Variants in MRC1 observed in about 807,000 individuals in gnomAD.
MRC1 encodes mannose receptor C-type 1.
In MRC1, 62 loss-of-function variants were observed where a neutral mutation model predicts 102.9. That is an observed-to-expected ratio of 0.60 (90% CI 0.49 to 0.74). The LOEUF is 0.74. Ranked by LOEUF, MRC1 falls within the 30% of genes least tolerant of loss-of-function variation. MRC1 has a pLI of 0.00. For synonymous variants in MRC1, 457 were observed against 298.4 expected, an observed-to-expected ratio of 1.53 and a Z score of -5.48; for missense variants, 1,237 against 862.8, an observed-to-expected ratio of 1.43 and a Z score of -5.43.
chr10:17,887,729 C>T (rs1589192316), intron 22 of MRC1, among the ~76,000 whole-genome samples: 2 of 152,164 alleles, frequency 1.3e-5, no homozygotes, highest in African/African-American at 2.4e-5. Flanking sequence ...TTCTCCCAGA[C>T]ATTTTCATAG....
In MRC1 at chr10:17,836,527, G is replaced by A. The variant is rs573322701; in HGVS notation, c.802+2688G>A. Among the ~76,000 whole-genome samples the A allele has an allele frequency of 2.4e-3, 360 of 152,190 alleles. 5 individuals are homozygous for A. The highest frequency in any genetic ancestry group is 0.022 in the South Asian group (104 of 4,824). On this transcript the variant is annotated intron_variant, in intron 4 of 29. Coordinates refer to ENST00000569591, the MANE Select transcript of MRC1 (RefSeq NM_002438.4). ...TGTGGTTATTTGGGCAGACTTGCAGGCACGAGAGAAAATGTATCAGAGGTG... is the reference window on the plus strand; with the variant it reads ...TGTGGTTATTTGGGCAGACTTGCAGACACGAGAGAAAATGTATCAGAGGTG...
intron 17 of MRC1, among the ~76,000 whole-genome samples, chr10:17,876,178 G>A (rs1833434420): frequency 6.6e-6 from 1 of 152,062 alleles, no homozygotes; most frequent in African/African-American, 2.4e-5. Flanking sequence ...GCAGGAGAAG[G>A]AGGAGGTCAT....
intron 18 of MRC1, 78 bp downstream of exon 18, chr10:17,878,045 CT>C (rs1833461246): frequency 3.7e-6 from 3 of 813,664 alleles, no homozygotes; most frequent in Non-Finnish European, 4.3e-6. Context: ...TGAGATTTTT[CT>C]TTGTGGAATG....
chr10:17,820,487 C>T (rs1299871745), intron 1 of MRC1, among the ~76,000 whole-genome samples: 2 of 152,032 alleles, frequency 1.3e-5, no homozygotes, highest in East Asian at 3.9e-4. Context: ...ACTGTTCATG[C>T]ATAAAGATTT....
intron 13 of MRC1, 22 bp from the exon 14 acceptor site, chr10:17,870,826 C>A: frequency 1.1e-6 from 1 of 872,112 alleles, no homozygotes; most frequent in Non-Finnish European, 2.0e-6. Flanking sequence ...CATATGCTTT[C>A]TTTATGTTTT....
chr10:17,822,677 C>T (rs1838414203), intron 1 of MRC1, among the ~76,000 whole-genome samples: 1 of 152,168 alleles, frequency 6.6e-6, no homozygotes, highest in African/African-American at 2.4e-5. Flanking sequence ...TTTAATTTTA[C>T]AGTTTATTGT....
At position 17,866,546 on chromosome 10, in the gene MRC1, C is replaced by T. The variant is rs35894097; in HGVS notation, c.1784-16C>T. 37,173 of 780,798 alleles carry T rather than the reference C, an allele frequency of 0.048. 1,469 individuals carry two copies. Among genetic ancestry groups the T allele is most frequent in the East Asian group, 0.16 (6,708 of 41,234 alleles). 48.4% of individuals were successfully genotyped at this position (780,798 alleles called of 1,614,324 possible). A position where few individuals can be genotyped will look rare whatever the true frequency, so the allele number is the denominator to read the frequency against. On this transcript the variant is annotated splice_polypyrimidine_tract_variant and intron_variant, in intron 11 of 29. Coordinates refer to ENST00000569591, the MANE Select transcript of MRC1 (RefSeq NM_002438.4). ...GGCACCTGTCAAGTGAATTCTACTT[C>T]ATATATTTAATGCAGGGCGAAAGCC...
rs1838685400 is a variant in MRC1, at chr10:17,837,476, A to G, written c.803-3217A>G. Among the ~76,000 whole-genome samples, 4 of 152,324 alleles carry G rather than the reference A, an allele frequency of 2.6e-5. No individual in the cohort carries two copies. The South Asian group carries it at 8.3e-4, about 32-fold the overall frequency. On this transcript the variant is annotated intron_variant, in intron 4 of 29. Transcript: ENST00000569591. ...GAATAATCCAGAAAACAGTGGTGTG[A>G]GTGTGTAATTGCAATCCACTCTATT...
At chr10:17,849,546 A>G (rs781821627) in intron 6 of MRC1, 33 bp from the exon 7 acceptor site, 1 of 692,892 alleles carries the variant, frequency 1.4e-6, no homozygotes, top group Non-Finnish European at 2.6e-6. Context: ...AAATCTTTTA[A>G]AATTTTTTTC....
At chr10:17,849,104 A>G (rs1474688860) in intron 6 of MRC1, among the ~76,000 whole-genome samples, 1 of 148,662 alleles carries the variant, frequency 6.7e-6, no homozygotes, top group East Asian at 1.9e-4. Flanking sequence ...TCTAATATGT[A>G]TTAGTATAGT....
intron 17 of MRC1, among the ~76,000 whole-genome samples, chr10:17,875,760 T>A (rs992788281): frequency 2.6e-5 from 4 of 152,240 alleles, no homozygotes; most frequent in African/African-American, 9.6e-5. Context: ...TAATGACTTA[T>A]TTTCCTCTGG....
At chr10:17,815,979 C>G (rs1838305124) in intron 1 of MRC1, among the ~76,000 whole-genome samples, 1 of 152,094 alleles carries the variant, frequency 6.6e-6, no homozygotes, top group African/African-American at 2.4e-5. Flanking sequence ...CATGTGCGAC[C>G]ACATAGGCTA....
At chr10:17,873,711 A>C in intron 15 of MRC1, 73 bp from the exon 16 acceptor site, 1 of 840,722 alleles carries the variant, frequency 1.2e-6, no homozygotes, top group African/African-American at 1.6e-5. Context: ...TCATGAAAAT[A>C]GTGACAATAG....
chr10:17,819,181 A>C (rs1482865540), intron 1 of MRC1, among the ~76,000 whole-genome samples: 1 of 152,156 alleles, frequency 6.6e-6, no homozygotes, highest in African/African-American at 2.4e-5. Flanking sequence ...AATCTGCAAA[A>C]GAGATGGGAA....
chr10:17,858,733 G>A (rs1322157515), intron 9 of MRC1, among the ~76,000 whole-genome samples: 6 of 152,094 alleles, frequency 3.9e-5, no homozygotes, highest in African/African-American at 1.2e-4. Context: ...TGATCCATCC[G>A]CCTTGGCCTC....
chr10:17,845,075 C>A, intron 5 of MRC1: 1 of 771,750 alleles, frequency 1.3e-6, no homozygotes. Context: ...TATCAACATT[C>A]TAAGTATTGG....
intron 22 of MRC1, among the ~76,000 whole-genome samples, chr10:17,891,800 C>A (rs964390695): frequency 2.0e-5 from 3 of 152,146 alleles, no homozygotes; most frequent in Non-Finnish European, 4.4e-5. Flanking sequence ...CTCCTAAAGA[C>A]TTCTGAAATA....
intron 26 of MRC1, among the ~76,000 whole-genome samples, chr10:17,903,382 C>CTTTTTTTTTTTTTTTTTTTTTTTTTTTTT (rs1210207060): frequency 1.6e-5 from 2 of 125,052 alleles, no homozygotes; most frequent in Non-Finnish European, 1.7e-5. Context: ...TTTTTCTTTT[C>CTTTTTTTTTTTTTTTTTTTTTTTTTTTTT]TTTTTTTTTC....
rs1038677921 is a variant in MRC1 at position 17,809,704 on chromosome 10, G to A, written c.61+178G>A. Reference sequence around the variant, plus strand: ...CTTCACCTGGCGGCCAGGCATGGGAGGCCTGGAGTTGGAGGAGGGAGGAGG... The same window carrying A: ...CTTCACCTGGCGGCCAGGCATGGGAAGCCTGGAGTTGGAGGAGGGAGGAGG... On this transcript the variant is annotated intron_variant, in intron 1 of 29. Coordinates refer to ENST00000569591, the MANE Select transcript of MRC1 (RefSeq NM_002438.4). Among the ~76,000 whole-genome samples the A allele has an allele frequency of 5.9e-3, 900 of 152,198 alleles. 6 individuals are homozygous for A. The highest frequency in any genetic ancestry group is 0.02 in the African/African-American group (843 of 41,522).
Sources: gnomAD v4.1 joint callset for allele counts (sites outside exome capture counted in the v4.1 genomes callset) on GRCh38, gnomAD v4.1.1 for gene constraint, MANE v1.5 for transcripts, NCBI Gene and HGNC (gene_info 2026-07-23, HGNC 2026-07-21) for gene names.